Variants in ADCK1 observed in about 807,000 individuals in gnomAD.
ADCK1 encodes the protein aarF domain containing kinase 1.
A neutral mutation model predicts 52.3 loss-of-function variants in ADCK1; 41 were observed. The observed-to-expected ratio is 0.78, with a 90% CI of 0.61 to 1.02. The LOEUF is 1.02. Among genes scored for constraint, ADCK1 ranks in the 50% least tolerant of loss-of-function variants. The pLI, the probability that ADCK1 is intolerant of heterozygous loss-of-function variation, is 0.00. For synonymous variants in ADCK1, 250 were observed against 274.6 expected, an observed-to-expected ratio of 0.91 and a Z score of 0.89; for missense variants, 658 against 679.5, an observed-to-expected ratio of 0.97 and a Z score of 0.35.
At chr14:77,859,021 G>A (rs1241385777) in intron 3 of ADCK1, 55 bp from the exon 4 acceptor site, 4 of 1,492,402 alleles carry the variant, frequency 2.7e-6, no homozygotes, top group East Asian at 2.3e-5. Context: ...AGGGAACAAG[G>A]TGTAGGGAAC....
intron 7 of ADCK1, among the ~76,000 whole-genome samples, chr14:77,911,983 C>T (rs1222952575): frequency 1.3e-5 from 2 of 152,140 alleles, no homozygotes; most frequent in African/African-American, 2.4e-5. Flanking sequence ...AGCTCCCTGG[C>T]GAGCTCTCTC....
chr14:77,823,259 T>C (rs542568042), intron 3 of ADCK1, among the ~76,000 whole-genome samples: 3 of 152,244 alleles, frequency 2.0e-5, no homozygotes, highest in South Asian at 2.1e-4. Context: ...TTGTGATAGA[T>C]TGGCATGTCT....
intron 3 of ADCK1, 130 bp downstream of exon 3, chr14:77,822,648 C>G: frequency 6.4e-6 from 5 of 776,608 alleles, no homozygotes; most frequent in Non-Finnish European, 1.1e-5. Flanking sequence ...CTGTGCCCGG[C>G]CTAGGATTGG....
chr14:77,825,263 G>A (rs1273173854), intron 3 of ADCK1, among the ~76,000 whole-genome samples: 1 of 152,158 alleles, frequency 6.6e-6, no homozygotes, highest in African/African-American at 2.4e-5. Context: ...TTTAATGTCT[G>A]TTTCAATGCC....
intron 6 of ADCK1, among the ~76,000 whole-genome samples, chr14:77,901,310 A>G (rs948636805): frequency 1.8e-4 from 27 of 150,944 alleles, no homozygotes; most frequent in African/African-American, 6.3e-4. Context: ...TTGGCCTCCC[A>G]AAGTGCTGAG....
chr14:77,814,070 AT>A lies in ADCK1; in HGVS notation c.-11-4887del, dbSNP rs200100460. Among the ~76,000 whole-genome samples the A allele has an allele frequency of 8.5e-3, 1,161 of 136,268 alleles. 17 individuals are homozygous for A. The highest frequency in any genetic ancestry group is 0.03 in the African/African-American group (1,109 of 36,886). 89.4% of individuals were successfully genotyped at this position (136,268 alleles called of 152,430 possible). ...GGTGTGAGCCACCACGCCGAGCCTT[AT>A]TTTTTTTTTTAAATTTTATTTTTCT... On this transcript the variant is annotated intron_variant, in intron 1 of 10. Coordinates refer to ENST00000238561, the MANE Select transcript of ADCK1 (RefSeq NM_020421.4).
chr14:77,930,543 G>A (rs1240091972), intron 9 of ADCK1, among the ~76,000 whole-genome samples: 1 of 152,134 alleles, frequency 6.6e-6, no homozygotes, highest in Non-Finnish European at 1.5e-5. Flanking sequence ...GAGTCCTGTG[G>A]TGAGGTGAGG....
chr14:77,839,918 C>CAAA (rs10581300), intron 3 of ADCK1, among the ~76,000 whole-genome samples: 25 of 69,676 alleles, frequency 3.6e-4, no homozygotes, highest in African/African-American at 6.5e-4. Context: ...GACCCTGTCT[C>CAAA]AAAAAAAAAA....
chr14:77,915,729 G>A (rs909642778), intron 7 of ADCK1, among the ~76,000 whole-genome samples: 1 of 152,164 alleles, frequency 6.6e-6, no homozygotes, highest in African/African-American at 2.4e-5. Flanking sequence ...ATGAGTTCCT[G>A]GAAATTTATT....
At chr14:77,897,566 A>G (rs564950852) in intron 5 of ADCK1, among the ~76,000 whole-genome samples, 32 of 152,286 alleles carry the variant, frequency 2.1e-4, no homozygotes, top group South Asian at 1.9e-3. Flanking sequence ...TTAACATGTC[A>G]TCACTCAAGA....
intron 7 of ADCK1, chr14:77,914,665 C>T: frequency 1.2e-6 from 1 of 862,350 alleles, no homozygotes; most frequent in African/African-American, 1.8e-5. Context: ...TAAGCAACAT[C>T]CTCTGAGTGT....
chr14:77,840,481 T>C (rs1255000740), intron 3 of ADCK1, among the ~76,000 whole-genome samples: 1 of 152,124 alleles, frequency 6.6e-6, no homozygotes, highest in Admixed American at 6.6e-5. Context: ...CTGCCACTTA[T>C]AAAAGCCATG....
rs143522447 is a variant in ADCK1, at chr14:77,931,546, A to G, written c.1235A>G (p.Asn412Ser). Residue 412 changes from asparagine (N) to serine (S), a missense_variant, in exon 10 of 11, where the codon AAC becomes AGC. Physicochemically the swap from Asn to Ser is conservative, Grantham distance 46. Transcript: ENST00000238561. ...EDLEIRNNAA[N>S]YLPQISHLLN... is the part of the protein sequence containing the mutation. ...TTAGAGATTCGCAACAACGCGGCCA[A>G]CTACCTCCCCCAGATCAGCCATCTC... 1.1e-5 allele frequency: 18 copies of G among 1,613,950 alleles called. No individual in the cohort carries two copies. The highest frequency in any genetic ancestry group is 1.4e-5 in the Non-Finnish European group (17 of 1,179,916).
intron 4 of ADCK1, among the ~76,000 whole-genome samples, chr14:77,877,659 C>T (rs1311735266): frequency 6.6e-6 from 1 of 152,228 alleles, no homozygotes; most frequent in African/African-American, 2.4e-5. Flanking sequence ...ATGGTTCACA[C>T]ATGCTGTTCC....
chr14:77,826,293 T>C (rs1464669259), intron 3 of ADCK1, among the ~76,000 whole-genome samples: 1 of 152,140 alleles, frequency 6.6e-6, no homozygotes, highest in East Asian at 1.9e-4. Flanking sequence ...GATAAAGGAA[T>C]GAGTGAAGGG....
At chr14:77,839,775 T>C in intron 3 of ADCK1, among the ~76,000 whole-genome samples, 1 of 151,440 alleles carries the variant, frequency 6.6e-6, no homozygotes, top group Non-Finnish European at 1.5e-5. Context: ...ATACAAAAAT[T>C]AGCCAGGTGT....
chr14:77,843,402 G>A (rs759606713), intron 3 of ADCK1, among the ~76,000 whole-genome samples: 1 of 152,162 alleles, frequency 6.6e-6, no homozygotes, highest in South Asian at 2.1e-4. Context: ...TCTTCTAGCC[G>A]CTGAACAACT....
intron 3 of ADCK1, among the ~76,000 whole-genome samples, chr14:77,839,174 C>G (rs752581554): frequency 5.3e-5 from 8 of 152,140 alleles, no homozygotes; most frequent in Non-Finnish European, 2.9e-5. Context: ...GGGAAGGGCT[C>G]TCTCGCATGA....
chr14:77,901,443 G>A (rs1343724156), intron 6 of ADCK1, among the ~76,000 whole-genome samples: 4 of 150,306 alleles, frequency 2.7e-5, no homozygotes, highest in Non-Finnish European at 4.4e-5. Flanking sequence ...AGGCTGGTGC[G>A]TAGTGGTGCA....
Sources: allele counts gnomAD v4.1 joint callset (sites outside exome capture counted in the v4.1 genomes callset), GRCh38; gene constraint gnomAD v4.1.1; transcripts MANE v1.5; gene names NCBI Gene and HGNC (gene_info 2026-07-23, HGNC 2026-07-21).